The following NRG1 variants were observed in gnomAD, a reference collection of about 807,000 sequenced individuals.
NRG1 encodes the protein neuregulin 1.
A neutral mutation model predicts 63.8 loss-of-function variants in NRG1; 18 were observed. The ratio of observed to expected loss-of-function variants is 0.28; its 90% confidence interval spans 0.19 to 0.42. NRG1 has a LOEUF of 0.42. Among genes scored for constraint, NRG1 ranks in the 10% least tolerant of loss-of-function variants. The pLI is 1.00. For missense variants in NRG1, 762 were observed against 814.7 expected (o/e 0.94, Z 0.79); for synonymous variants, 302 against 301.3 (o/e 1.00, Z -0.02).
At chr8:31,747,747 A>C (rs1270257079) in intron 1 of NRG1, among the ~76,000 whole-genome samples, 1 of 151,938 alleles carries the variant, frequency 6.6e-6, no homozygotes, top group Non-Finnish European at 1.5e-5. Context: ...CCTCCCTGGA[A>C]TACCTGGCTG....
At chr8:32,760,328 G>A (rs1356719655) in exon 11 of NRG1, 1 of 1,613,890 alleles carries the variant, frequency 6.2e-7, no homozygotes, top group African/African-American at 1.3e-5. Flanking sequence ...GGCACAGGAG[G>A]CCCTCGTGAA....
chr8:32,525,386 G>A (rs1449201970), intron 1 of NRG1, among the ~76,000 whole-genome samples: 3 of 122,730 alleles, frequency 2.4e-5, no homozygotes, highest in African/African-American at 2.9e-5. Context: ...TAAGCATGAG[G>A]TAGGGGTGTG....
At chr8:31,933,631 T>G (rs1835046723) in intron 1 of NRG1, among the ~76,000 whole-genome samples, 1 of 152,170 alleles carries the variant, frequency 6.6e-6, no homozygotes, top group South Asian at 2.1e-4. Context: ...AGAGAGAATA[T>G]ACATTAAGAT....
intron 1 of NRG1, among the ~76,000 whole-genome samples, chr8:32,222,491 GA>G (rs1182850592): frequency 1.3e-5 from 2 of 151,882 alleles, no homozygotes; most frequent in African/African-American, 4.8e-5. Flanking sequence ...AAGAAAGAAA[GA>G]AAAAAAGAAA....
At chr8:32,227,848 G>A (rs1269566514) in intron 1 of NRG1, among the ~76,000 whole-genome samples, 1 of 152,118 alleles carries the variant, frequency 6.6e-6, no homozygotes, top group Non-Finnish European at 1.5e-5. Flanking sequence ...AAAATGAGTG[G>A]CAGTGAACCA....
Position 32,742,510 on chromosome 8 carries a change from A to C in NRG1, c.633-165A>C, listed in dbSNP as rs1391571521. ...GTCCAAATTTTTAACCATTTGGGGG[A>C]AGTGCCAGAGCCTGAAAGCCATGAT... On this transcript the variant is annotated intron_variant, in intron 6 of 11. Transcript: ENST00000356819. The surrounding 1 kb of genome is among the most constrained non-coding windows in gnomAD (Gnocchi z 4.2). Among the ~76,000 whole-genome samples the C allele has an allele frequency of 6.6e-6, 1 of 152,150 alleles. No individual in the cohort carries two copies. Among genetic ancestry groups the C allele is most frequent in the Non-Finnish European group, 1.5e-5 (1 of 68,026 alleles).
intron 5 of NRG1, among the ~76,000 whole-genome samples, chr8:32,685,904 T>A (rs1487064864): frequency 6.6e-6 from 1 of 152,238 alleles, no homozygotes; most frequent in African/African-American, 2.4e-5. Context: ...ACATGAGAAT[T>A]TGACCCTATC....
intron 1 of NRG1, among the ~76,000 whole-genome samples, chr8:31,762,822 G>C (rs1013732291): frequency 1.3e-5 from 2 of 152,088 alleles, no homozygotes; most frequent in Non-Finnish European, 2.9e-5. Flanking sequence ...ATGGAGAAAA[G>C]AACACTTCCC....
Position 32,191,572 on chromosome 8 carries a change from T to C in NRG1, c.38-404256T>C, listed in dbSNP as rs570658766. On this transcript the variant is annotated intron_variant, in intron 1 of 10. Transcript: ENST00000519301. ...TTTTGCCGTAAGAGAAAATTTTTCC[T>C]TGCTTCCTTAGCAGAATACAGGCTT... is the stretch of plus-strand genomic sequence containing the variant. Among the ~76,000 whole-genome samples, 128 of 152,342 alleles carry C rather than the reference T, an allele frequency of 8.4e-4. 1 individual carries two copies. Among genetic ancestry groups the C allele is most frequent in the Non-Finnish European group, 1.7e-3 (114 of 68,028 alleles).
At chr8:31,799,610 G>A (rs1821555885) in intron 1 of NRG1, among the ~76,000 whole-genome samples, 1 of 151,664 alleles carries the variant, frequency 6.6e-6, no homozygotes, top group Non-Finnish European at 1.5e-5. Flanking sequence ...ATATAATTTT[G>A]CATTCTAACT....
intron 1 of NRG1, among the ~76,000 whole-genome samples, chr8:32,329,709 T>C (rs186260184): frequency 6.6e-6 from 1 of 152,002 alleles, no homozygotes; most frequent in East Asian, 1.9e-4. Context: ...CAGTAACATA[T>C]TAAAAACAAA....
At chr8:32,436,671 G>A (rs546970762) in intron 1 of NRG1, among the ~76,000 whole-genome samples, 60 of 152,164 alleles carry the variant, frequency 3.9e-4, no homozygotes, top group Non-Finnish European at 6.3e-4. Context: ...TTAGGCTGTC[G>A]TTGGTCTGTC....
intron 5 of NRG1, among the ~76,000 whole-genome samples, chr8:32,698,822 T>C (rs1039064990): frequency 6.6e-6 from 1 of 152,202 alleles, no homozygotes; most frequent in Admixed American, 6.5e-5. Context: ...ATAGAGCTGT[T>C]ACTTGGTTTT....
At chr8:32,218,738 T>A (rs1354225221) in intron 1 of NRG1, among the ~76,000 whole-genome samples, 1 of 152,206 alleles carries the variant, frequency 6.6e-6, no homozygotes, top group Admixed American at 6.5e-5. Context: ...TCATTGTATG[T>A]GTCAAGAAGC....
At chr8:32,698,772 T>G (rs966940297) in intron 5 of NRG1, among the ~76,000 whole-genome samples, 2 of 152,166 alleles carry the variant, frequency 1.3e-5, no homozygotes, top group Non-Finnish European at 2.9e-5. Flanking sequence ...TCTTTTGGGA[T>G]CAAATATATC....
chr8:31,769,290 C>G (rs148851733), intron 1 of NRG1, among the ~76,000 whole-genome samples: 1 of 152,150 alleles, frequency 6.6e-6, no homozygotes, highest in African/African-American at 2.4e-5. Context: ...TGCAAGGTTG[C>G]CTATCTCATT....
intron 1 of NRG1, among the ~76,000 whole-genome samples, chr8:31,731,950 C>A (rs1792371441): frequency 6.6e-6 from 1 of 152,166 alleles, no homozygotes; most frequent in African/African-American, 2.4e-5. Flanking sequence ...TGTGAAGAGT[C>A]AGTAAGATGT....
intron 1 of NRG1, among the ~76,000 whole-genome samples, chr8:32,303,931 A>G (rs1855911355): frequency 6.6e-6 from 1 of 152,178 alleles, no homozygotes; most frequent in African/African-American, 2.4e-5. Context: ...CTCAATTAAA[A>G]TAAAAGCTGT....
chr8:32,065,228 G>A (rs916765756), intron 1 of NRG1, among the ~76,000 whole-genome samples: 2 of 151,304 alleles, frequency 1.3e-5, no homozygotes, highest in Admixed American at 1.3e-4. Flanking sequence ...TATACTTTAA[G>A]TTTTAGGGTA....
Sources: gnomAD v4.1 joint callset for allele counts (sites outside exome capture counted in the v4.1 genomes callset) on GRCh38, gnomAD v4.1.1 for gene constraint, Gnocchi (gnomAD v3.1) non-coding constraint, MANE v1.5 for transcripts, NCBI Gene and HGNC (gene_info 2026-07-23, HGNC 2026-07-21) for gene names.